CPHXL: variants seen among roughly 807,000 people sequenced by gnomAD.
The protein encoded by CPHXL is cytoplasmic polyadenylated homeobox like, also known as cytoplasmic polyadenylated homeobox-like protein.
At chr16:75,725,801 TGC>T (rs1959551418) in intron 1 of CPHXL, among the ~76,000 whole-genome samples, 1 of 139,206 alleles carries the variant, frequency 7.2e-6, no homozygotes, top group African/African-American at 2.6e-5. Context: ...CTTGCTATGT[TGC>T]CTGGGCTGGT....
At position 75,714,175 on chromosome 16, in the gene CPHXL, A is replaced by G; in HGVS notation, c.*49T>C. Reference sequence around the variant, plus strand: ...TCTCTGACACTTAGCACTACTTTGCAGAGTTGCATCCTTGGTTCCCTGCTG... The same window carrying G: ...TCTCTGACACTTAGCACTACTTTGCGGAGTTGCATCCTTGGTTCCCTGCTG... On this transcript the variant is annotated 3_prime_UTR_variant, in exon 3 of 3. Transcript: ENST00000640559. 1 of 398,698 alleles carries G rather than the reference A, an allele frequency of 2.5e-6. No individual in the cohort carries two copies. Among genetic ancestry groups the G allele is most frequent in the Non-Finnish European group, 4.4e-6 (1 of 226,264 alleles). The allele number at this position is 398,698 out of a possible 1,614,324, so 24.7% of individuals were successfully genotyped here.
chr16:75,717,327 T>C (rs1175514520), intron 2 of CPHXL, among the ~76,000 whole-genome samples: 3 of 152,244 alleles, frequency 2.0e-5, no homozygotes, highest in Non-Finnish European at 2.9e-5. Context: ...TGAAATGCTA[T>C]ATACTGCTTA....
intron 1 of CPHXL, among the ~76,000 whole-genome samples, chr16:75,719,673 G>A (rs1211245653): frequency 1.3e-5 from 2 of 152,152 alleles, no homozygotes; most frequent in African/African-American, 2.4e-5. Flanking sequence ...CTCCACCTCC[G>A]GGGGCAGGGA....
intron 2 of CPHXL, 104 bp from the exon 3 acceptor site, chr16:75,715,326 A>G (rs1483165445): frequency 1.0e-5 from 4 of 397,480 alleles, no homozygotes; most frequent in Admixed American, 4.4e-5. Flanking sequence ...GCCTCTTCCA[A>G]GCAGAGTCCC....
Position 75,714,927 on chromosome 16 carries a change from T to TGG in CPHXL, c.513_514dup (p.Gln172ProfsTer26), listed in dbSNP as rs1165772445. On this transcript the variant is annotated frameshift_variant, in exon 3 of 3. Coordinates refer to ENST00000640559, the MANE Select transcript of CPHXL (RefSeq NM_001355613.1). LOFTEE classifies it low-confidence loss of function (END_TRUNC). ...CCCTGGTTTCTCCAGATAAGAGCACTGGGGGCCCACCTGTTGACTGGGAGT... is the reference window on the plus strand; with the variant it reads ...CCCTGGTTTCTCCAGATAAGAGCACTGGGGGGGCCCACCTGTTGACTGGGAGT... 2.5e-6 allele frequency: 1 copy of TGG among 398,664 alleles called. No individual in the cohort carries two copies. Among genetic ancestry groups the TGG allele is most frequent in the Non-Finnish European group, 4.4e-6 (1 of 226,076 alleles). 24.7% of individuals were successfully genotyped at this position (398,664 alleles called of 1,614,324 possible). A position where few individuals can be genotyped will look rare whatever the true frequency, so the allele number is the denominator to read the frequency against.
chr16:75,722,644 C>T (rs1162134103), intron 1 of CPHXL, among the ~76,000 whole-genome samples: 7 of 152,154 alleles, frequency 4.6e-5, no homozygotes, highest in East Asian at 1.9e-4. Context: ...CAGGACCAGA[C>T]GGATTCACAG....
intron 2 of CPHXL, 101 bp downstream of exon 2, chr16:75,718,158 CAGTGAG>C (rs1959420310): frequency 2.5e-6 from 1 of 392,574 alleles, no homozygotes; most frequent in South Asian, 1.4e-4. Context: ...ATGGAGGCTG[CAGTGAG>C]CCGTGATCAT....
At chr16:75,724,005 C>CA (rs1425719053) in intron 1 of CPHXL, among the ~76,000 whole-genome samples, 1 of 152,130 alleles carries the variant, frequency 6.6e-6, no homozygotes, top group South Asian at 2.1e-4. Context: ...ACAAACTTGA[C>CA]ACAAACAAGA....
chr16:75,724,783 C>A (rs1368842077), intron 1 of CPHXL, among the ~76,000 whole-genome samples: 1 of 152,036 alleles, frequency 6.6e-6, no homozygotes, highest in East Asian at 1.9e-4. Flanking sequence ...GGGTATATAC[C>A]CAAAGGATTA....
intron 1 of CPHXL, among the ~76,000 whole-genome samples, chr16:75,721,325 A>G (rs1959473952): frequency 6.6e-6 from 1 of 152,228 alleles, no homozygotes; most frequent in South Asian, 2.1e-4. Flanking sequence ...ATAAAGAGTC[A>G]AGACCCATCA....
chr16:75,725,146 G>T (rs1959536598), intron 1 of CPHXL, among the ~76,000 whole-genome samples: 1 of 140,726 alleles, frequency 7.1e-6, no homozygotes, highest in Non-Finnish European at 1.5e-5. Context: ...GAGGGGGGAG[G>T]GATAGCATTA....
At chr16:75,724,250 C>A (rs1230777094) in intron 1 of CPHXL, among the ~76,000 whole-genome samples, 1 of 152,152 alleles carries the variant, frequency 6.6e-6, no homozygotes, top group Non-Finnish European at 1.5e-5. Flanking sequence ...AAAGCAATGG[C>A]AACGAAAGCC....
intron 1 of CPHXL, among the ~76,000 whole-genome samples, chr16:75,722,322 C>G (rs1034942664): frequency 7.9e-5 from 12 of 152,028 alleles, no homozygotes; most frequent in African/African-American, 2.9e-4. Context: ...CAGGACCTGG[C>G]TTTTTGAAAA....
intron 1 of CPHXL, among the ~76,000 whole-genome samples, chr16:75,725,546 G>A (rs1404431141): frequency 2.7e-5 from 4 of 150,746 alleles, no homozygotes; most frequent in African/African-American, 7.3e-5. Flanking sequence ...TCCGCCTCCC[G>A]GGTTCACGCC....
Position 75,714,152 on chromosome 16 carries a change from T to C in CPHXL, c.*72A>G. 5.0e-6 allele frequency: 2 copies of C among 398,466 alleles called. No homozygotes were observed. The highest frequency in any genetic ancestry group is 8.8e-6 in the Non-Finnish European group (2 of 226,226). 24.7% of individuals were successfully genotyped at this position (398,466 alleles called of 1,614,324 possible). ...TGGGCCTGACCTGCGACTGTGTTTCTCTGACACTTAGCACTACTTTGCAGA... is the reference window on the plus strand; with the variant it reads ...TGGGCCTGACCTGCGACTGTGTTTCCCTGACACTTAGCACTACTTTGCAGA... On this transcript the variant is annotated 3_prime_UTR_variant, in exon 3 of 3. Transcript: ENST00000640559.
At chr16:75,720,980 GA>G (rs1309602680) in intron 1 of CPHXL, among the ~76,000 whole-genome samples, 2 of 152,148 alleles carry the variant, frequency 1.3e-5, no homozygotes, top group African/African-American at 4.8e-5. Flanking sequence ...TTTTCAACCA[GA>G]ATTTCATATC....
chr16:75,723,511 A>G (rs1959507953), intron 1 of CPHXL, among the ~76,000 whole-genome samples: 1 of 152,244 alleles, frequency 6.6e-6, no homozygotes, highest in African/African-American at 2.4e-5. Flanking sequence ...GTTGCTTCAA[A>G]GAGAATAAAA....
intron 1 of CPHXL, among the ~76,000 whole-genome samples, chr16:75,719,448 G>A (rs1364991888): frequency 6.6e-6 from 1 of 152,200 alleles, no homozygotes; most frequent in Non-Finnish European, 1.5e-5. Context: ...GGCACACCAG[G>A]AGATTATATG....
intron 1 of CPHXL, among the ~76,000 whole-genome samples, chr16:75,719,999 G>A (rs1959452205): frequency 6.6e-6 from 1 of 152,154 alleles, no homozygotes; most frequent in Non-Finnish European, 1.5e-5. Context: ...ACAGGGTCTG[G>A]AGTGGACCTC....
Sources: gnomAD v4.1 joint callset for allele counts (sites outside exome capture counted in the v4.1 genomes callset) on GRCh38, gnomAD v4.1.1 for gene constraint, MANE v1.5 for transcripts, NCBI Gene and HGNC (gene_info 2026-07-23, HGNC 2026-07-21) for gene names.